Variants in GFRA2 observed in about 807,000 individuals in gnomAD.
GFRA2 encodes GDNF family receptor alpha 2.
GFRA2 carries 17 observed loss-of-function variants against 48.3 expected under a neutral mutation model. The ratio of observed to expected loss-of-function variants is 0.35; its 90% CI spans 0.24 to 0.53. GFRA2 has a LOEUF of 0.53. Among genes scored for constraint, GFRA2 ranks in the 20% least tolerant of loss-of-function variants. GFRA2 has a pLI of 0.93. For synonymous variants in GFRA2, 305 were observed against 257.2 expected, an observed-to-expected ratio of 1.19 and a Z score of -1.78; for missense variants, 660 against 637.3, an observed-to-expected ratio of 1.04 and a Z score of -0.38.
chr8:21,809,292 C>T lies in GFRA2; in HGVS notation c.-148+2939G>A, dbSNP rs1211809287. Among the ~76,000 whole-genome samples the T allele has an allele frequency of 2.6e-5, 4 of 152,302 alleles. No individual in the cohort carries two copies. In the South Asian group the frequency reaches 8.3e-4, roughly 32 times the overall value. On this transcript the variant is annotated intron_variant, in intron 1 of 10. Coordinates refer to the GFRA2 transcript ENST00000517328. ...ATGCATGTCCGCTGCAGATGTATCTCCTTTGGCAGAGTTTTTGAACAATTT... is the reference window on the plus strand; with the variant it reads ...ATGCATGTCCGCTGCAGATGTATCTTCTTTGGCAGAGTTTTTGAACAATTT...
chr8:21,757,860 C>G (rs983074424), intron 3 of GFRA2, among the ~76,000 whole-genome samples: 1 of 152,126 alleles, frequency 6.6e-6, no homozygotes, highest in East Asian at 1.9e-4. Context: ...TCACCTTTTA[C>G]GTTTTTCAAT....
intron 7 of GFRA2, among the ~76,000 whole-genome samples, chr8:21,694,873 TAAC>T (rs927209503): frequency 1.3e-5 from 2 of 152,216 alleles, no homozygotes; most frequent in African/African-American, 4.8e-5. Context: ...GTCTGGTTCA[TAAC>T]AACAACTCAA....
chr8:21,779,874 C>G (rs2117729512), intron 2 of GFRA2, among the ~76,000 whole-genome samples: 1 of 152,162 alleles, frequency 6.6e-6, no homozygotes, highest in South Asian at 2.1e-4. Context: ...CCTCCCAGCA[C>G]CTGGAGGGAG....
At chr8:21,713,262 G>A (rs1695116772) in intron 4 of GFRA2, among the ~76,000 whole-genome samples, 1 of 151,900 alleles carries the variant, frequency 6.6e-6, no homozygotes, top group East Asian at 1.9e-4. Flanking sequence ...CTCGATCTCG[G>A]CTCACTGCAG....
intron 4 of GFRA2, among the ~76,000 whole-genome samples, chr8:21,738,826 G>A (rs749128408): frequency 1.3e-5 from 2 of 152,190 alleles, no homozygotes; most frequent in African/African-American, 2.4e-5. Flanking sequence ...GCGCCTTAGG[G>A]AAGGTCTGCG....
At chr8:21,727,776 C>G (rs1253239903) in intron 4 of GFRA2, among the ~76,000 whole-genome samples, 1 of 152,222 alleles carries the variant, frequency 6.6e-6, no homozygotes, top group Non-Finnish European at 1.5e-5. Context: ...CCACCGCGGT[C>G]TCTCCGCAAT....
At chr8:21,800,492 T>C (rs1478869812) in intron 2 of GFRA2, among the ~76,000 whole-genome samples, 1 of 152,210 alleles carries the variant, frequency 6.6e-6, no homozygotes, top group Admixed American at 6.5e-5. Flanking sequence ...CACAAGTTTA[T>C]CTAACCCATC....
chr8:21,717,288 A>T (rs1048529161), intron 4 of GFRA2, among the ~76,000 whole-genome samples: 16 of 152,272 alleles, frequency 1.1e-4, no homozygotes, highest in African/African-American at 3.9e-4. Context: ...TCAGACAGAC[A>T]TTAACACCAG....
chr8:21,705,986 T>C lies in GFRA2; in HGVS notation c.850A>G (p.Ser284Gly), dbSNP rs780751093. 5.7e-6 allele frequency: 9 copies of C among 1,580,768 alleles called. No individual in the cohort carries two copies. Among genetic ancestry groups the C allele is most frequent in the Non-Finnish European group, 7.7e-6 (9 of 1,163,150 alleles). ...GCCTGGTAATTGTCCGCAGGGCAGC[T>C]GGTGACCGTCTGGTAGGAGGCTCGA... Reference protein sequence around the residue: ...NCRASYQTVTSCPADNYQACL... With the variant: ...NCRASYQTVTGCPADNYQACL... Residue 284 changes from serine (S) to glycine (G), a missense_variant, in exon 5 of 9, where the codon AGC (serine) becomes GGC (glycine). Transcript: ENST00000524240.
intron 1 of GFRA2, chr8:21,784,249 C>T: frequency 2.2e-6 from 1 of 455,234 alleles, no homozygotes; most frequent in Non-Finnish European, 4.4e-6. Context: ...ATCGTCTTCC[C>T]AGTCCCCCTG....
intron 1 of GFRA2, among the ~76,000 whole-genome samples, chr8:21,806,944 A>G (rs1251632051): frequency 6.6e-6 from 1 of 152,174 alleles, no homozygotes; most frequent in Non-Finnish European, 1.5e-5. Flanking sequence ...AGGCAGCTAC[A>G]ATGTCGCTAT....
chr8:21,693,511 G>C, intron 8 of GFRA2, 111 bp from the exon 9 acceptor site: 2 of 987,230 alleles, frequency 2.0e-6, no homozygotes, highest in South Asian at 3.4e-5. Flanking sequence ...GACACCTCAA[G>C]CCCCTGTCCT....
chr8:21,742,723 T>C (rs1368254209), intron 4 of GFRA2, among the ~76,000 whole-genome samples: 1 of 152,174 alleles, frequency 6.6e-6, no homozygotes, highest in African/African-American at 2.4e-5. Flanking sequence ...CTGGCTTGCA[T>C]TCGGATTCTC....
intron 3 of GFRA2, among the ~76,000 whole-genome samples, chr8:21,751,323 C>A (rs943562455): frequency 1.8e-4 from 28 of 152,264 alleles, no homozygotes; most frequent in African/African-American, 5.5e-4. Flanking sequence ...AACGAGGGGG[C>A]CCCCGTGCAC....
At chr8:21,712,573 G>T (rs887330277) in intron 4 of GFRA2, among the ~76,000 whole-genome samples, 17 of 149,726 alleles carry the variant, frequency 1.1e-4, no homozygotes, top group Non-Finnish European at 4.4e-5. Context: ...TGGGCGGCCA[G>T]GCAGAGACGC....
chr8:21,796,100 C>G (rs1296872926), intron 2 of GFRA2, among the ~76,000 whole-genome samples: 17 of 152,214 alleles, frequency 1.1e-4, no homozygotes, highest in African/African-American at 3.9e-4. Flanking sequence ...GTTGAGCTAT[C>G]CTAAGCCTAA....
chr8:21,701,129 T>C (rs994503225), intron 7 of GFRA2, among the ~76,000 whole-genome samples: 1 of 152,206 alleles, frequency 6.6e-6, no homozygotes, highest in African/African-American at 2.4e-5. Context: ...GCGCGGGGGC[T>C]CACGCCTGTA....
At chr8:21,807,784 A>C (rs1807899610) in intron 1 of GFRA2, among the ~76,000 whole-genome samples, 1 of 152,240 alleles carries the variant, frequency 6.6e-6, no homozygotes, top group Non-Finnish European at 1.5e-5. Flanking sequence ...TGGGAGTGAA[A>C]GCCACATACC....
intron 4 of GFRA2, chr8:21,706,332 A>C: frequency 1.8e-6 from 1 of 543,112 alleles, no homozygotes. Context: ...CCTGCTCTAA[A>C]TGGCTCTTTT....
Sources: gnomAD v4.1 joint callset for allele counts (sites outside exome capture counted in the v4.1 genomes callset) on GRCh38, gnomAD v4.1.1 for gene constraint, MANE v1.5 for transcripts, NCBI Gene and HGNC (gene_info 2026-07-23, HGNC 2026-07-21) for gene names.